The following ZNF827 variants were observed in gnomAD, a reference collection of about 807,000 sequenced individuals.
ZNF827 encodes the protein zinc finger protein 827.
A neutral mutation model predicts 102.4 loss-of-function variants in ZNF827; 13 were observed. That is an observed-to-expected ratio of 0.13 (90% CI 0.08 to 0.20). The LOEUF (loss-of-function observed/expected upper bound fraction) is 0.20, where lower values mean the gene tolerates loss of function less well. ZNF827 is among the 10% of genes least tolerant of loss of function. ZNF827 has a pLI of 1.00. For missense variants in ZNF827, 1,103 were observed against 1,344.4 expected (o/e 0.82, Z 2.81); for synonymous variants, 523 against 536.2 (o/e 0.98, Z 0.34).
At chr4:145,919,154 T>G (rs896851875) in intron 1 of ZNF827, among the ~76,000 whole-genome samples, 2 of 152,058 alleles carry the variant, frequency 1.3e-5, no homozygotes, top group South Asian at 4.1e-4. Flanking sequence ...CTTGGGAGGC[T>G]AAGGTGGGAG....
intron 1 of ZNF827, among the ~76,000 whole-genome samples, chr4:145,916,947 T>C (rs1752708632): frequency 6.6e-6 from 1 of 152,132 alleles, no homozygotes; most frequent in South Asian, 2.1e-4. Flanking sequence ...TTCCAATAAT[T>C]CCTCTTTTCT....
chr4:145,825,430 G>A (rs1743572412), intron 7 of ZNF827, among the ~76,000 whole-genome samples: 1 of 152,260 alleles, frequency 6.6e-6, no homozygotes, highest in Non-Finnish European at 1.5e-5. Flanking sequence ...TGTGGCTGCA[G>A]CAGGCAGTGC....
At chr4:145,867,636 A>C (rs908243841) in intron 5 of ZNF827, among the ~76,000 whole-genome samples, 1 of 152,196 alleles carries the variant, frequency 6.6e-6, no homozygotes, top group African/African-American at 2.4e-5. Context: ...GTCAAAACTA[A>C]AACAAGGAAA....
chr4:145,859,951 A>G (rs1747542265), intron 5 of ZNF827, among the ~76,000 whole-genome samples: 1 of 152,214 alleles, frequency 6.6e-6, no homozygotes, highest in African/African-American at 2.4e-5. Flanking sequence ...ATGTAGTGGG[A>G]TCTAGCAGGA....
Position 145,775,854 on chromosome 4 carries a change from G to T in ZNF827, c.2628C>A (p.Thr876=), listed in dbSNP as rs142722064. 1.9e-6 allele frequency: 3 copies of T among 1,613,996 alleles called. No individual in the cohort carries two copies. The East Asian group carries it at 6.7e-5, about 36-fold the overall frequency. Residue 876 remains threonine, a synonymous_variant, in exon 10 of 15, where the codon ACC becomes ACA. Transcript: ENST00000508784. ...AGGTGACGGCGCTGACAATGTCCTC[G>T]GTGTCTGTACTCACCAGCTTCACGG... is the stretch of plus-strand genomic sequence containing the variant. ...VHSVKLVSTD[T]EDIVSAVTSE... is the part of the protein sequence containing the mutation.
intron 4 of ZNF827, among the ~76,000 whole-genome samples, chr4:145,879,426 G>C (rs1037413979): frequency 1.3e-5 from 2 of 152,184 alleles, no homozygotes; most frequent in African/African-American, 4.8e-5. Flanking sequence ...CGGACTTCAA[G>C]GAGAATGACA....
At chr4:145,817,878 C>A (rs1328612410) in intron 8 of ZNF827, among the ~76,000 whole-genome samples, 1 of 148,428 alleles carries the variant, frequency 6.7e-6, no homozygotes, top group African/African-American at 2.6e-5. Flanking sequence ...TTTTATCTAA[C>A]TGAGAGTTTT....
At chr4:145,851,654 C>G (rs1746549651) in intron 5 of ZNF827, among the ~76,000 whole-genome samples, 1 of 152,054 alleles carries the variant, frequency 6.6e-6, no homozygotes. Context: ...TTTTTGTCAA[C>G]AACTAAACTG....
chr4:145,880,764 A>G (rs1749592020), intron 4 of ZNF827, among the ~76,000 whole-genome samples: 1 of 152,230 alleles, frequency 6.6e-6, no homozygotes, highest in South Asian at 2.1e-4. Context: ...GGTTAAAAGG[A>G]AGGGCTAAAC....
intron 5 of ZNF827, among the ~76,000 whole-genome samples, chr4:145,867,655 T>A (rs1748321505): frequency 6.6e-6 from 1 of 152,180 alleles, no homozygotes; most frequent in Non-Finnish European, 1.5e-5. Context: ...AAAGTATGCC[T>A]CATCCTTGCA....
chr4:145,775,343 T>C (rs965655202), intron 10 of ZNF827, among the ~76,000 whole-genome samples: 1 of 152,168 alleles, frequency 6.6e-6, no homozygotes, highest in Non-Finnish European at 1.5e-5. Flanking sequence ...AAAATCCACA[T>C]ACTAAAGTGT....
intron 8 of ZNF827, among the ~76,000 whole-genome samples, chr4:145,821,524 T>C (rs535711170): frequency 1.1e-4 from 16 of 152,282 alleles, no homozygotes; most frequent in African/African-American, 3.1e-4. Flanking sequence ...TAATTTTAAC[T>C]CCATTCCCAA....
At chr4:145,811,173 T>C (rs1741970749) in intron 8 of ZNF827, among the ~76,000 whole-genome samples, 1 of 152,022 alleles carries the variant, frequency 6.6e-6, no homozygotes, top group Non-Finnish European at 1.5e-5. Flanking sequence ...TGTTTGTTTG[T>C]TTTGTAGAGA....
rs186828517 is a variant in ZNF827, at chr4:145,821,168, C to G, written c.2383+2254G>C. 1.4e-3 allele frequency among the ~76,000 whole-genome samples: 218 copies of G among 152,228 alleles called. 1 individual carries two copies. Among genetic ancestry groups the G allele is most frequent in the African/African-American group, 4.9e-3 (203 of 41,528 alleles). ...TTCAACAAAATGTATAAATTTCACCCCTTGTTGTAATAAATAAAGACAATA... is the reference window on the plus strand; with the variant it reads ...TTCAACAAAATGTATAAATTTCACCGCTTGTTGTAATAAATAAAGACAATA... On this transcript the variant is annotated intron_variant, in intron 8 of 14. Transcript: ENST00000508784.
At chr4:145,831,454 G>A (rs190700685) in intron 7 of ZNF827, 3 of 152,382 alleles carry the variant, frequency 2.0e-5, no homozygotes, top group African/African-American at 7.2e-5. Context: ...CAGATTCAGT[G>A]TGTTTCTAAA....
chr4:145,817,875 TAACTGA>T (rs1742746149), intron 8 of ZNF827, among the ~76,000 whole-genome samples: 1 of 148,456 alleles, frequency 6.7e-6, no homozygotes, highest in Admixed American at 6.6e-5. Context: ...ATATTTTATC[TAACTGA>T]GAGTTTTAAC....
At chr4:145,852,322 T>A (rs1490040982) in intron 5 of ZNF827, among the ~76,000 whole-genome samples, 2 of 152,228 alleles carry the variant, frequency 1.3e-5, no homozygotes, top group East Asian at 3.8e-4. Flanking sequence ...AATTAGTTTT[T>A]AAAAGCTTCC....
chr4:145,903,084 G>A lies in ZNF827; in HGVS notation c.175C>T (p.Arg59Trp), dbSNP rs771868329. The A allele has an allele frequency of 5.6e-5, 90 of 1,614,032 alleles. No individual in the cohort carries two copies. The highest frequency in any genetic ancestry group is 3.8e-4 in the East Asian group (17 of 44,896). ...GGGGACGTGGACTGCTCCTGGATCCGGTCCTCCAGAGACAACTTATAGTTC... is the reference window on the plus strand; with the variant it reads ...GGGGACGTGGACTGCTCCTGGATCCAGTCCTCCAGAGACAACTTATAGTTC... ...QENYKLSLED[R>W]IQEQSTSPDT... Residue 59 changes from arginine (R) to tryptophan (W), a missense_variant, in exon 2 of 15, where the codon CGG (arginine) becomes TGG (tryptophan). Physicochemically the swap from Arg to Trp is moderately radical, Grantham distance 101. This residue lies in a region of ZNF827 where 441 missense variants were observed against 458.6 expected (regional missense o/e 0.96). Coordinates refer to ENST00000508784, the MANE Select transcript of ZNF827 (RefSeq NM_001306215.2).
At chr4:145,802,529 G>A (rs1261195680) in intron 8 of ZNF827, among the ~76,000 whole-genome samples, 1 of 152,206 alleles carries the variant, frequency 6.6e-6, no homozygotes, top group Admixed American at 6.5e-5. Flanking sequence ...GGAGTTCTCA[G>A]GTCTTCCTGA....
Sources: gnomAD v4.1 joint callset for allele counts (sites outside exome capture counted in the v4.1 genomes callset) on GRCh38, gnomAD v4.1.1 for gene constraint, gnomAD v4.1.1 regional missense constraint, MANE v1.5 for transcripts, NCBI Gene and HGNC (gene_info 2026-07-23, HGNC 2026-07-21) for gene names.